IRGM: variants seen among roughly 807,000 people sequenced by gnomAD.
IRGM encodes the protein immunity related GTPase M.
For missense variants in IRGM, 288 were observed against 219.9 expected (o/e 1.31, Z -1.96); for synonymous variants, 98 against 80.6 (o/e 1.22, Z -1.16).
intron 1 of IRGM, among the ~76,000 whole-genome samples, chr5:150,859,096 G>A (rs562172971): frequency 3.9e-5 from 6 of 152,242 alleles, no homozygotes; most frequent in South Asian, 4.1e-4. Context: ...TTTGAGATAC[G>A]TCCCATCAAT....
At chr5:150,870,552 A>C (rs1050716177) in intron 1 of IRGM, among the ~76,000 whole-genome samples, 2 of 150,760 alleles carry the variant, frequency 1.3e-5, no homozygotes, top group African/African-American at 4.9e-5. Context: ...TTTCAGCACA[A>C]GGAAGGCAAG....
At chr5:150,852,878 A>C (rs1189500081), downstream of IRGM, among the ~76,000 whole-genome samples, 2 of 152,128 alleles carry the variant, frequency 1.3e-5, 1 homozygote, top group South Asian at 4.1e-4. Flanking sequence ...TTGAATTTCT[A>C]ATAGAAGAGA....
chr5:150,887,067 T>C (rs918851595), intron 3 of IRGM, among the ~76,000 whole-genome samples: 1 of 151,996 alleles, frequency 6.6e-6, no homozygotes, highest in African/African-American at 2.4e-5. Context: ...CTCTTAACAC[T>C]GCACAAGAGT....
downstream of IRGM, among the ~76,000 whole-genome samples, chr5:150,851,780 A>T (rs1330773710): frequency 6.6e-6 from 1 of 152,244 alleles, no homozygotes; most frequent in Non-Finnish European, 1.5e-5. Flanking sequence ...AGAAGTTCTC[A>T]TCTAACAATG....
At chr5:150,885,935 T>G (rs1754514640) in intron 3 of IRGM, among the ~76,000 whole-genome samples, 2 of 152,094 alleles carry the variant, frequency 1.3e-5, no homozygotes, top group Admixed American at 1.3e-4. Flanking sequence ...TGGCTAGGGC[T>G]TCCAATATTA....
At chr5:150,891,977 CT>C (rs1381550160) in intron 3 of IRGM, among the ~76,000 whole-genome samples, 2 of 152,042 alleles carry the variant, frequency 1.3e-5, no homozygotes, top group African/African-American at 2.4e-5. Context: ...CTTTCCAATC[CT>C]ACAGGGTCAA....
At chr5:150,880,230 T>A (rs1430119028) in intron 3 of IRGM, among the ~76,000 whole-genome samples, 5 of 152,216 alleles carry the variant, frequency 3.3e-5, no homozygotes, top group Non-Finnish European at 7.3e-5. Flanking sequence ...AATGCCACAT[T>A]GTTTTCTACA....
chr5:150,847,213 C>T lies in IRGM; in HGVS notation c.-423C>T, dbSNP rs1753880708. 2 of 152,352 alleles carry T rather than the reference C, an allele frequency of 1.3e-5. No homozygotes were observed. The highest frequency in any genetic ancestry group is 4.8e-5 in the African/African-American group (2 of 41,450). 9.4% of individuals were successfully genotyped at this position (152,352 alleles called of 1,614,324 possible). A position where few individuals can be genotyped will look rare whatever the true frequency, so the allele number is the denominator to read the frequency against. On this transcript the variant is annotated 5_prime_UTR_variant, in exon 1 of 2. Coordinates refer to ENST00000522154, the MANE Select transcript of IRGM (RefSeq NM_001145805.2). Reference sequence around the variant, plus strand: ...CTGCTCTGCACGTGTGCTCCCCCGCCTGATGAGGTAAGTGTTAAACAGGGA... The same window carrying T: ...CTGCTCTGCACGTGTGCTCCCCCGCTTGATGAGGTAAGTGTTAAACAGGGA...
intron 3 of IRGM, among the ~76,000 whole-genome samples, chr5:150,881,510 C>T (rs1169431610): frequency 6.6e-6 from 1 of 151,918 alleles, no homozygotes; most frequent in Non-Finnish European, 1.5e-5. Flanking sequence ...GAAAAGGACA[C>T]TAGTAACATA....
At chr5:150,897,966 A>G in intron 3 of IRGM, 2 of 1,449,576 alleles carry the variant, frequency 1.4e-6, no homozygotes, top group Non-Finnish European at 1.9e-6. Flanking sequence ...CTAAATTCTC[A>G]GCATAGAAGC....
Position 150,848,160 on chromosome 5 carries a change from G to A in IRGM, c.37G>A (p.Gly13Arg). ...AMNVEKASAD[G>R]NLPEVISNIK... ...GAATGTTGAGAAAGCCTCAGCAGAT[G>A]GGAACTTGCCAGAGGTGATCTCTAA... Residue 13 changes from glycine (G) to arginine (R), a missense_variant, in exon 2 of 2, where the codon GGG becomes AGG. Gly to Arg is a moderately radical substitution (Grantham distance 125). Coordinates refer to ENST00000522154, the MANE Select transcript of IRGM (RefSeq NM_001145805.2). 1 of 1,550,444 alleles carries A rather than the reference G, an allele frequency of 6.4e-7. No individual in the cohort carries two copies. Among genetic ancestry groups the A allele is most frequent in the South Asian group, 1.2e-5 (1 of 83,936 alleles).
chr5:150,896,013 T>C (rs2113310760), intron 3 of IRGM: 1 of 1,613,562 alleles, frequency 6.2e-7, no homozygotes, highest in Non-Finnish European at 8.5e-7. Flanking sequence ...GGTACACTCA[T>C]ACGGCTTCTC....
intron 1 of IRGM, among the ~76,000 whole-genome samples, chr5:150,866,150 G>A (rs148604123): frequency 6.6e-6 from 1 of 152,212 alleles, no homozygotes; most frequent in African/African-American, 2.4e-5. Context: ...AGTTTCCACG[G>A]TTTTGTGAGC....
At chr5:150,851,189 G>A (rs1268861273), downstream of IRGM, among the ~76,000 whole-genome samples, 1 of 152,158 alleles carries the variant, frequency 6.6e-6, no homozygotes, top group African/African-American at 2.4e-5. Context: ...CCCTGGAACA[G>A]CAACCTGGTG....
At chr5:150,867,038 G>T (rs749968630) in intron 1 of IRGM, among the ~76,000 whole-genome samples, 14 of 151,978 alleles carry the variant, frequency 9.2e-5, no homozygotes, top group Non-Finnish European at 1.5e-4. Context: ...AATTTCAGTA[G>T]GTTTTTGGGG....
At chr5:150,872,965 C>T (rs906759507) in intron 1 of IRGM, among the ~76,000 whole-genome samples, 1 of 152,196 alleles carries the variant, frequency 6.6e-6, no homozygotes, top group African/African-American at 2.4e-5. Context: ...TGTGATTGCT[C>T]TTCTCTGTAT....
chr5:150,882,024 A>T (rs1754453042), intron 3 of IRGM, among the ~76,000 whole-genome samples: 2 of 152,208 alleles, frequency 1.3e-5, no homozygotes, highest in Non-Finnish European at 2.9e-5. Flanking sequence ...TCTGCAAAAA[A>T]TACAAAAATT....
intron 2 of IRGM, among the ~76,000 whole-genome samples, chr5:150,879,351 G>A (rs940382452): frequency 6.6e-6 from 1 of 152,148 alleles, no homozygotes; most frequent in Non-Finnish European, 1.5e-5. Context: ...AGAAAAATTA[G>A]AAAAATCTTT....
intron 3 of IRGM, among the ~76,000 whole-genome samples, chr5:150,882,974 A>G (rs1754467413): frequency 6.6e-6 from 1 of 152,180 alleles, no homozygotes; most frequent in South Asian, 2.1e-4. Context: ...TTCACAAAAC[A>G]AGAAATAACA....
Sources: gnomAD v4.1 joint callset for allele counts (sites outside exome capture counted in the v4.1 genomes callset) on GRCh38, gnomAD v4.1.1 for gene constraint, MANE v1.5 for transcripts, NCBI Gene and HGNC (gene_info 2026-07-23, HGNC 2026-07-21) for gene names.